The following PLIN3 variants were observed in gnomAD, a reference collection of about 807,000 sequenced individuals.
PLIN3 encodes the protein perilipin-3.
Under a neutral mutation model 35.9 loss-of-function variants are expected in PLIN3, and 30 were observed. The ratio of observed to expected loss-of-function variants is 0.84; its 90% CI spans 0.62 to 1.13. The LOEUF (loss-of-function observed/expected upper bound fraction) is 1.13, where lower values mean the gene tolerates loss of function less well. PLIN3 is among the 50% of genes most tolerant of loss of function. The pLI, the probability that PLIN3 is intolerant of heterozygous loss-of-function variation, is 0.00. For synonymous variants in PLIN3, 261 were observed against 262.5 expected (o/e 0.99, Z 0.06); for missense variants, 603 against 596.9 (o/e 1.01, Z -0.11).
chr19:4,848,230 C>T (rs1014396164), intron 5 of PLIN3, among the ~76,000 whole-genome samples: 3 of 152,140 alleles, frequency 2.0e-5, no homozygotes, highest in Non-Finnish European at 1.5e-5. Context: ...GTGATTCATC[C>T]GAACTGGCCT....
chr19:4,865,148 C>A (rs192869177), intron 1 of PLIN3, among the ~76,000 whole-genome samples: 2 of 151,582 alleles, frequency 1.3e-5, no homozygotes, highest in South Asian at 2.1e-4. Flanking sequence ...GCCAAGACTG[C>A]GCCACTACAC....
intron 1 of PLIN3, among the ~76,000 whole-genome samples, chr19:4,863,114 G>C (rs889937152): frequency 6.6e-6 from 1 of 151,932 alleles, no homozygotes; most frequent in Admixed American, 6.6e-5. Flanking sequence ...GTGAGATCGC[G>C]CCACTGCACT....
rs754878847 is a variant in PLIN3 at position 4,861,416 on chromosome 19, GGAGA to G, written c.-17-9_-17-6del. 1.2e-6 allele frequency: 2 copies of G among 1,604,636 alleles called. No homozygotes were observed. The highest frequency in any genetic ancestry group is 1.7e-6 in the Non-Finnish European group (2 of 1,175,052). ...ACATGGTCTCTGCAGCAGACGCTGA[GGAGA>G]GAGGAACAGTCAGGTACAGCCTGCC... On this transcript the variant is annotated splice_region_variant and splice_polypyrimidine_tract_variant and intron_variant, in intron 1 of 7. Transcript: ENST00000221957.
intron 4 of PLIN3, among the ~76,000 whole-genome samples, chr19:4,858,125 T>C (rs1247849672): frequency 6.7e-6 from 1 of 149,594 alleles, no homozygotes; most frequent in Non-Finnish European, 1.5e-5. Context: ...ATACAAAAAT[T>C]AGCTAGGCGT....
chr19:4,839,422 C>T lies in PLIN3; in HGVS notation c.1075G>A (p.Val359Met), dbSNP rs145849513. Reference protein sequence around the residue: ...QGLPTNVKDQVQQARRQVEDL... With the variant: ...QGLPTNVKDQMQQARRQVEDL... ...TCCACCTGGCGGCGGGCCTGCTGCA[C>T]CTGGTCCTTCACATTGGTGGGGAGG... Residue 359 changes from valine to methionine, a missense_variant, in exon 8 of 8, where the codon GTG (valine) becomes ATG (methionine). Val to Met is a conservative substitution (Grantham distance 21). Transcript: ENST00000221957. The T allele has an allele frequency of 1.2e-6, 2 of 1,606,414 alleles. No homozygotes were observed. The highest frequency in any genetic ancestry group is 1.3e-5 in the African/African-American group (1 of 74,818).
rs896609399 is a variant in PLIN3, at chr19:4,866,442, G to C, written c.-18+1167C>G. On this transcript the variant is annotated intron_variant, in intron 1 of 7. Transcript: ENST00000221957. ...TATAAGTGTTTCACAAGAGCCTGGA[G>C]TCCCTGTGGACTGGAGGAGACGCTG... Among the ~76,000 whole-genome samples, 8 of 152,168 alleles carry C rather than the reference G, an allele frequency of 5.3e-5. No individual in the cohort carries two copies. In the East Asian group the frequency reaches 1.5e-3, roughly 29 times the overall value.
At chr19:4,847,964 A>C (rs752307061) in intron 5 of PLIN3, 74 bp from the exon 6 acceptor site, 27 of 1,020,516 alleles carry the variant, frequency 2.6e-5, no homozygotes, top group Non-Finnish European at 4.0e-5. Flanking sequence ...AGACAGTCCC[A>C]AGAATCACAC....
intron 1 of PLIN3, among the ~76,000 whole-genome samples, chr19:4,865,305 A>G (rs1221309525): frequency 6.6e-6 from 1 of 151,912 alleles, no homozygotes; most frequent in Non-Finnish European, 1.5e-5. Context: ...CCTGACCAAC[A>G]TGGTGAAACC....
chr19:4,843,796 A>G (rs1326790267), intron 7 of PLIN3, among the ~76,000 whole-genome samples: 5 of 152,150 alleles, frequency 3.3e-5, no homozygotes, highest in African/African-American at 1.2e-4. Context: ...TGATGGCATC[A>G]CTGCACTCCA....
At chr19:4,845,781 C>T (rs1022339201) in intron 6 of PLIN3, among the ~76,000 whole-genome samples, 2 of 143,628 alleles carry the variant, frequency 1.4e-5, no homozygotes, top group African/African-American at 5.2e-5. Flanking sequence ...AAAATTAGCC[C>T]AGCGTGGTGG....
intron 6 of PLIN3, among the ~76,000 whole-genome samples, chr19:4,845,667 G>C (rs2030063698): frequency 6.6e-6 from 1 of 152,114 alleles, no homozygotes; most frequent in African/African-American, 2.4e-5. Flanking sequence ...GCTCACACCT[G>C]TAATCCCAGC....
intron 1 of PLIN3, among the ~76,000 whole-genome samples, chr19:4,864,458 T>G (rs554735096): frequency 3.2e-4 from 43 of 133,352 alleles, no homozygotes; most frequent in East Asian, 2.2e-3. Flanking sequence ...GTGGTTTGTT[T>G]TTTTTTTTGT....
intron 4 of PLIN3, among the ~76,000 whole-genome samples, chr19:4,859,330 C>T (rs529785178): frequency 5.3e-5 from 8 of 152,130 alleles, no homozygotes; most frequent in Admixed American, 2.0e-4. Context: ...GAGACCAGCC[C>T]GGCCAACATG....
At chr19:4,846,012 C>G (rs1599160924) in intron 6 of PLIN3, among the ~76,000 whole-genome samples, 7 of 144,998 alleles carry the variant, frequency 4.8e-5, no homozygotes, top group Admixed American at 1.4e-4. Context: ...ATCAAGAGGT[C>G]AGGAGATCAA....
At chr19:4,857,852 T>C (rs2030524130) in intron 4 of PLIN3, among the ~76,000 whole-genome samples, 1 of 151,854 alleles carries the variant, frequency 6.6e-6, no homozygotes, top group African/African-American at 2.4e-5. Flanking sequence ...GGCACATGTC[T>C]GTAATCCCAG....
chr19:4,857,586 T>G (rs2030516336), intron 4 of PLIN3, among the ~76,000 whole-genome samples: 3 of 152,052 alleles, frequency 2.0e-5, no homozygotes, highest in Admixed American at 1.3e-4. Context: ...AAATTTTTTT[T>G]TTTAATGTTA....
rs773162669 is a variant in PLIN3 at position 4,839,302 on chromosome 19, C to G, written c.1195G>C (p.Glu399Gln). ...QSRERVASAR[E>Q]ALDHMVEYVA... ...TATTCCACCATGTGGTCCAGGGCCT[C>G]GCGGGCGCTGGCGACACGCTCACGG... Residue 399 changes from glutamate to glutamine, a missense_variant, in exon 8 of 8, where the codon GAG becomes CAG. By Grantham distance (29) the Glu-to-Gln change is conservative. Coordinates refer to ENST00000221957, the MANE Select transcript of PLIN3 (RefSeq NM_005817.5). 2.8e-5 allele frequency: 45 copies of G among 1,613,898 alleles called. No homozygotes were observed. Among genetic ancestry groups the G allele is most frequent in the Non-Finnish European group, 3.6e-5 (43 of 1,180,010 alleles).
At chr19:4,855,258 A>G (rs1347755329) in intron 4 of PLIN3, among the ~76,000 whole-genome samples, 1 of 150,680 alleles carries the variant, frequency 6.6e-6, no homozygotes, top group African/African-American at 2.4e-5. Flanking sequence ...TGAAAAAAAA[A>G]AAAAAAAAAA....
chr19:4,861,523 G>A, intron 1 of PLIN3, 112 bp from the exon 2 acceptor site: 1 of 707,410 alleles, frequency 1.4e-6, no homozygotes, highest in Non-Finnish European at 2.5e-6. Flanking sequence ...ATGACTTACA[G>A]CTGTGTCTTT....
Sources: gnomAD v4.1 joint callset for allele counts (sites outside exome capture counted in the v4.1 genomes callset) on GRCh38, gnomAD v4.1.1 for gene constraint, MANE v1.5 for transcripts, NCBI Gene and HGNC (gene_info 2026-07-23, HGNC 2026-07-21) for gene names.